The following ANAPC10 variants were observed in gnomAD, a reference collection of about 807,000 sequenced individuals.
ANAPC10 encodes the protein anaphase-promoting complex subunit 10.
In ANAPC10, 12 loss-of-function variants were observed where a neutral mutation model predicts 22.0. The observed-to-expected ratio is 0.55, with a 90% CI of 0.35 to 0.88. ANAPC10 has a LOEUF of 0.88. Ranked by LOEUF, ANAPC10 falls within the 40% of genes least tolerant of loss-of-function variation. The pLI is 0.01. For missense variants in ANAPC10, 188 were observed against 220.9 expected (o/e 0.85, Z 0.94); for synonymous variants, 65 against 69.5 (o/e 0.94, Z 0.32).
intron 4 of ANAPC10, among the ~76,000 whole-genome samples, chr4:144,997,315 A>G (rs562039725): frequency 6.6e-6 from 1 of 152,360 alleles, no homozygotes; most frequent in African/African-American, 2.4e-5. Context: ...TATGAAGGAA[A>G]AATATTAAGG....
intron 4 of ANAPC10, among the ~76,000 whole-genome samples, chr4:144,998,390 C>T (rs944439457): frequency 6.6e-6 from 1 of 151,988 alleles, no homozygotes; most frequent in Non-Finnish European, 1.5e-5. Flanking sequence ...TCTCTAAGAC[C>T]ACAGTGCAAT....
At chr4:145,066,395 C>T (rs963165249) in intron 3 of ANAPC10, among the ~76,000 whole-genome samples, 1 of 152,084 alleles carries the variant, frequency 6.6e-6, no homozygotes, top group Non-Finnish European at 1.5e-5. Context: ...TTTTTGAAGA[C>T]CTTTTTCCTT....
chr4:145,013,640 C>T (rs996642868), intron 4 of ANAPC10, among the ~76,000 whole-genome samples: 5 of 152,052 alleles, frequency 3.3e-5, no homozygotes, highest in East Asian at 1.9e-4. Context: ...AGGCTCATAT[C>T]GTGAATTTTA....
intron 2 of ANAPC10, among the ~76,000 whole-genome samples, chr4:145,095,046 C>T (rs1196168878): frequency 6.6e-6 from 1 of 151,790 alleles, no homozygotes; most frequent in Non-Finnish European, 1.5e-5. Context: ...AAAGAGAAGA[C>T]CTTATGACAT....
intron 4 of ANAPC10, among the ~76,000 whole-genome samples, chr4:145,045,602 T>C (rs1740176867): frequency 6.6e-6 from 1 of 152,122 alleles, no homozygotes; most frequent in Admixed American, 6.6e-5. Context: ...TTTACTAAGA[T>C]ACAATACTCC....
chr4:145,076,859 T>C (rs1236445483), intron 3 of ANAPC10, among the ~76,000 whole-genome samples: 1 of 152,174 alleles, frequency 6.6e-6, no homozygotes, highest in Non-Finnish European at 1.5e-5. Flanking sequence ...GGAAAGAATC[T>C]CAGAGAACAA....
chr4:145,028,976 T>C (rs1271472848), intron 4 of ANAPC10, among the ~76,000 whole-genome samples: 2 of 152,032 alleles, frequency 1.3e-5, no homozygotes, highest in Non-Finnish European at 2.9e-5. Context: ...AAAGCTGAAA[T>C]TGTGGAAAAA....
At chr4:145,094,264 T>C (rs918610801) in intron 2 of ANAPC10, among the ~76,000 whole-genome samples, 1 of 152,194 alleles carries the variant, frequency 6.6e-6, no homozygotes, top group Non-Finnish European at 1.5e-5. Context: ...ACAGTATTTA[T>C]ATCGGCATTC....
chr4:145,010,473 C>G (rs1455991231), intron 4 of ANAPC10, among the ~76,000 whole-genome samples: 1 of 152,122 alleles, frequency 6.6e-6, no homozygotes, highest in East Asian at 1.9e-4. Context: ...CACATATACA[C>G]CATGGAATAC....
intron 4 of ANAPC10, among the ~76,000 whole-genome samples, chr4:145,061,440 C>T (rs1035044790): frequency 7.2e-5 from 11 of 152,142 alleles, no homozygotes; most frequent in Admixed American, 4.6e-4. Flanking sequence ...AATATATATT[C>T]TCCAGGAAAA....
intron 4 of ANAPC10, among the ~76,000 whole-genome samples, chr4:145,020,805 G>A (rs1256234326): frequency 4.1e-5 from 6 of 147,618 alleles, no homozygotes; most frequent in Admixed American, 6.8e-5. Context: ...CTAGAGAATC[G>A]AATCAAGAAC....
At chr4:145,032,660 G>A (rs1737804253) in intron 4 of ANAPC10, among the ~76,000 whole-genome samples, 1 of 152,180 alleles carries the variant, frequency 6.6e-6, no homozygotes, top group Non-Finnish European at 1.5e-5. Context: ...TTACACATGG[G>A]CTCAGCAACA....
chr4:145,086,519 A>G (rs563099453), intron 2 of ANAPC10, among the ~76,000 whole-genome samples: 1 of 152,184 alleles, frequency 6.6e-6, no homozygotes, highest in Non-Finnish European at 1.5e-5. Flanking sequence ...TGTATCAGAA[A>G]CTTTGAGAGC....
chr4:145,097,347 T>C, intron 1 of ANAPC10: 1 of 537,578 alleles, frequency 1.9e-6, no homozygotes, highest in Non-Finnish European at 3.0e-6. Flanking sequence ...TTCACATCTT[T>C]TGTTAATTTT....
chr4:145,050,975 C>T (rs777525851), intron 4 of ANAPC10, among the ~76,000 whole-genome samples: 10 of 152,164 alleles, frequency 6.6e-5, no homozygotes, highest in Non-Finnish European at 1.5e-4. Context: ...GGAACTTTTC[C>T]CTTATATTCA....
chr4:145,002,911 T>C (rs1732786725), intron 4 of ANAPC10, among the ~76,000 whole-genome samples: 1 of 152,066 alleles, frequency 6.6e-6, no homozygotes. Context: ...CAGTTTATTA[T>C]AAAGGTAAAT....
chr4:145,057,618 T>C (rs999994549), intron 4 of ANAPC10, among the ~76,000 whole-genome samples: 5 of 152,246 alleles, frequency 3.3e-5, no homozygotes, highest in African/African-American at 1.2e-4. Flanking sequence ...CAGATCCATA[T>C]ACCATACCCT....
chr4:145,052,307 T>C (rs1157169039), intron 4 of ANAPC10, among the ~76,000 whole-genome samples: 1 of 152,180 alleles, frequency 6.6e-6, no homozygotes, highest in Non-Finnish European at 1.5e-5. Context: ...CTATGTTAAT[T>C]AGCTTGATTT....
At chr4:145,058,827 G>A (rs568137767) in intron 4 of ANAPC10, among the ~76,000 whole-genome samples, 1 of 152,174 alleles carries the variant, frequency 6.6e-6, no homozygotes, top group African/African-American at 2.4e-5. Flanking sequence ...AATAAGTGAT[G>A]CATACAATAA....
Sources: allele counts gnomAD v4.1 joint callset (sites outside exome capture counted in the v4.1 genomes callset), GRCh38; gene constraint gnomAD v4.1.1; transcripts MANE v1.5; gene names NCBI Gene and HGNC (gene_info 2026-07-23, HGNC 2026-07-21).